The following TBCEL variants were observed in gnomAD, a reference collection of about 807,000 sequenced individuals.
TBCEL encodes tubulin-specific chaperone cofactor E-like protein.
A neutral mutation model predicts 44.2 loss-of-function variants in TBCEL; 15 were observed. The observed-to-expected ratio is 0.34, with a 90% confidence interval of 0.23 to 0.52. TBCEL has a LOEUF of 0.52. Among genes scored for constraint, TBCEL ranks in the 20% least tolerant of loss-of-function variants. TBCEL has a pLI of 0.95. For missense variants in TBCEL, 319 were observed against 506.3 expected (o/e 0.63, Z 3.55); for synonymous variants, 171 against 185.4 (o/e 0.92, Z 0.63).
At chr11:121,029,266 G>A (rs192280643) in intron 1 of TBCEL, among the ~76,000 whole-genome samples, 21 of 152,172 alleles carry the variant, frequency 1.4e-4, no homozygotes, top group Non-Finnish European at 1.9e-4. Context: ...AGGGAAAAAC[G>A]ATTTAATCCT....
chr11:121,036,082 A>T (rs1358614673), intron 1 of TBCEL: 1 of 152,112 alleles, frequency 6.6e-6, no homozygotes, highest in Non-Finnish European at 1.5e-5. Flanking sequence ...GGCCACAAAA[A>T]CCCAAGCAAG....
intron 8 of TBCEL, among the ~76,000 whole-genome samples, chr11:121,068,770 CCAGCTA>C (rs1292931404): frequency 6.6e-6 from 1 of 151,860 alleles, no homozygotes; most frequent in African/African-American, 2.4e-5. Flanking sequence ...ACCTGTAATC[CCAGCTA>C]CTCTGGAGGC....
intron 8 of TBCEL, among the ~76,000 whole-genome samples, chr11:121,076,855 T>C (rs1946042582): frequency 6.6e-6 from 1 of 152,058 alleles, no homozygotes; most frequent in South Asian, 2.1e-4. Context: ...TTGCTGGAGC[T>C]TTTCATGAAT....
rs140416757 is a variant in TBCEL at position 121,027,390 on chromosome 11, G to A, written c.-126+3099G>A. On this transcript the variant is annotated intron_variant, in intron 1 of 8. Transcript: ENST00000683345. ...TTGTCTTTTGCTTGCATAGCTTCAT[G>A]AGAGAACTCTTCCAAAGGATATTGC... is the stretch of plus-strand genomic sequence containing the variant. Among the ~76,000 whole-genome samples the A allele has an allele frequency of 2.0e-5, 3 of 152,260 alleles. No individual in the cohort carries two copies. In the East Asian group the frequency reaches 5.8e-4, roughly 29 times the overall value.
chr11:121,027,924 C>T (rs1389933360), intron 1 of TBCEL, among the ~76,000 whole-genome samples: 5 of 152,034 alleles, frequency 3.3e-5, no homozygotes, highest in Admixed American at 2.6e-4. Context: ...AATGCAGATC[C>T]GGCAAGGCAT....
chr11:121,039,506 A>G (rs531701310), intron 2 of TBCEL, among the ~76,000 whole-genome samples: 1 of 152,308 alleles, frequency 6.6e-6, no homozygotes, highest in South Asian at 2.1e-4. Context: ...TAGATTTAGC[A>G]TCTGGTACAC....
intron 8 of TBCEL, among the ~76,000 whole-genome samples, chr11:121,065,243 C>A (rs147613797): frequency 6.6e-6 from 1 of 152,114 alleles, no homozygotes; most frequent in Non-Finnish European, 1.5e-5. Context: ...GCAAAGTGAA[C>A]GGGAATAAGT....
chr11:121,058,675 G>A (rs1945665601), intron 7 of TBCEL, among the ~76,000 whole-genome samples: 1 of 151,848 alleles, frequency 6.6e-6, no homozygotes, highest in South Asian at 2.1e-4. Context: ...ATGTAATTGG[G>A]CTGCTGACAC....
chr11:121,070,813 T>G (rs1945915707), intron 8 of TBCEL, among the ~76,000 whole-genome samples: 1 of 148,336 alleles, frequency 6.7e-6, no homozygotes, highest in African/African-American at 2.5e-5. Context: ...TGTGCACATG[T>G]ACCCTAGACC....
Position 121,090,396 on chromosome 11 carries a change from A to G in TBCEL, c.*3300A>G, listed in dbSNP as rs1425141130. 2.0e-5 allele frequency: 3 copies of G among 152,186 alleles called. No homozygotes were observed. Among genetic ancestry groups the G allele is most frequent in the African/African-American group, 7.2e-5 (3 of 41,456 alleles). 9.4% of individuals were successfully genotyped at this position (152,186 alleles called of 1,614,324 possible). ...TCTAGGGCATGTAAAACATGAATAC[A>G]GAATACTAGATTGTTCTAAGTAATG... On this transcript the variant is annotated 3_prime_UTR_variant, in exon 9 of 9. Coordinates refer to ENST00000683345, the MANE Select transcript of TBCEL (RefSeq NM_001363644.2).
intron 8 of TBCEL, 77 bp downstream of exon 8, chr11:121,060,162 T>A: frequency 1.0e-6 from 1 of 990,670 alleles, no homozygotes; most frequent in East Asian, 2.4e-5. Context: ...GAGCAAAATC[T>A]AATCATTTGT....
intron 4 of TBCEL, among the ~76,000 whole-genome samples, chr11:121,049,830 C>A (rs1418749109): frequency 6.6e-6 from 1 of 151,736 alleles, no homozygotes; most frequent in Admixed American, 6.6e-5. Context: ...ACAGTGTGTA[C>A]ACTAAGTAAT....
chr11:121,055,341 A>G (rs758337628), intron 6 of TBCEL, 33 bp downstream of exon 6: 5 of 1,540,364 alleles, frequency 3.2e-6, no homozygotes, highest in African/African-American at 2.8e-5. Context: ...TTCTACATGC[A>G]AATTAACCTG....
At chr11:121,031,063 A>G (rs1003390648) in intron 1 of TBCEL, among the ~76,000 whole-genome samples, 4 of 152,154 alleles carry the variant, frequency 2.6e-5, no homozygotes, top group Non-Finnish European at 1.5e-5. Context: ...GCCTGTTCTT[A>G]GATATAAGGG....
chr11:121,050,263 CAA>C (rs1190287765), intron 4 of TBCEL, among the ~76,000 whole-genome samples: 1 of 151,596 alleles, frequency 6.6e-6, no homozygotes, highest in Non-Finnish European at 1.5e-5. Context: ...ATCTGATTAC[CAA>C]AAAGATAATT....
chr11:121,074,026 G>C (rs1001579008), intron 8 of TBCEL, among the ~76,000 whole-genome samples: 6 of 151,790 alleles, frequency 4.0e-5, no homozygotes, highest in African/African-American at 1.5e-4. Flanking sequence ...GTTCTTGTCT[G>C]GTTTTATGAA....
chr11:121,044,359 C>G (rs377307712), intron 2 of TBCEL, among the ~76,000 whole-genome samples: 2 of 152,096 alleles, frequency 1.3e-5, no homozygotes, highest in East Asian at 3.9e-4. Context: ...CATTAAACCT[C>G]CTAATGTGGT....
chr11:121,067,767 A>G (rs1311717781), intron 8 of TBCEL, among the ~76,000 whole-genome samples: 3 of 152,206 alleles, frequency 2.0e-5, no homozygotes, highest in African/African-American at 4.8e-5. Flanking sequence ...TATTTCAGTT[A>G]TTAGACTCTC....
rs78361490 is a variant in TBCEL at position 121,032,884 on chromosome 11, A to C, written c.-125-3621A>C. On this transcript the variant is annotated intron_variant, in intron 1 of 8. Transcript: ENST00000683345. ...CTGCAAATGACCACAAAAATGCTGC[A>C]AGTATTGATTTTGTTGTAACAAGTA... Among the ~76,000 whole-genome samples, 726 of 152,352 alleles carry C rather than the reference A, an allele frequency of 4.8e-3. 6 individuals are homozygous for C. Among genetic ancestry groups the C allele is most frequent in the African/African-American group, 0.016 (681 of 41,592 alleles).
Sources: allele counts gnomAD v4.1 joint callset (sites outside exome capture counted in the v4.1 genomes callset), GRCh38; gene constraint gnomAD v4.1.1; transcripts MANE v1.5; gene names NCBI Gene and HGNC (gene_info 2026-07-23, HGNC 2026-07-21).